Variants in NTM observed in about 807,000 individuals in gnomAD.
NTM encodes IgLON family member 2.
A neutral mutation model predicts 42.1 loss-of-function variants in NTM; 13 were observed. The observed-to-expected ratio is 0.31, with a 90% CI of 0.20 to 0.49. The LOEUF is 0.49. NTM is among the 20% of genes least tolerant of loss of function. The pLI, the probability that NTM is intolerant of heterozygous loss-of-function variation, is 0.99. For synonymous variants in NTM, 187 were observed against 179.2 expected, an observed-to-expected ratio of 1.04 and a Z score of -0.35; for missense variants, 373 against 452.8, an observed-to-expected ratio of 0.82 and a Z score of 1.60.
At chr11:131,460,861 T>A (rs889134948) in intron 1 of NTM, among the ~76,000 whole-genome samples, 1 of 151,966 alleles carries the variant, frequency 6.6e-6, no homozygotes, top group Non-Finnish European at 1.5e-5. Context: ...GCCAAGAGAG[T>A]GCTTTTGATG....
chr11:131,803,750 C>T (rs995654130), intron 1 of NTM, among the ~76,000 whole-genome samples: 3 of 152,246 alleles, frequency 2.0e-5, no homozygotes, highest in Non-Finnish European at 4.4e-5. Context: ...ACCTTCCTGC[C>T]TCCCCCGAAC....
intron 2 of NTM, among the ~76,000 whole-genome samples, chr11:132,092,601 G>A (rs2060501624): frequency 6.6e-6 from 1 of 152,164 alleles, no homozygotes; most frequent in East Asian, 1.9e-4. Flanking sequence ...AGTCCATCAT[G>A]CTCCAAGGTT....
intron 2 of NTM, among the ~76,000 whole-genome samples, chr11:132,122,247 G>A (rs957823072): frequency 6.6e-6 from 1 of 152,208 alleles, no homozygotes; most frequent in South Asian, 2.1e-4. Context: ...GAGACTGGAA[G>A]AGAAATGAGA....
chr11:131,945,257 A>G (rs1014330886), intron 2 of NTM, among the ~76,000 whole-genome samples: 3 of 152,170 alleles, frequency 2.0e-5, no homozygotes, highest in Non-Finnish European at 4.4e-5. Context: ...CACACATAGC[A>G]AGAGGTCTGC....
intron 2 of NTM, among the ~76,000 whole-genome samples, chr11:132,071,717 T>C (rs1251240884): frequency 6.6e-6 from 1 of 152,076 alleles, no homozygotes; most frequent in African/African-American, 2.4e-5. Flanking sequence ...TTATATGGGG[T>C]GTGCGTTTTT....
chr11:131,461,753 GATA>G lies in NTM; in HGVS notation c.82+90871_82+90873del, dbSNP rs1250712111. On this transcript the variant is annotated intron_variant, in intron 1 of 8. Transcript: ENST00000683400. ...TGGGTATATTATCTACCTTGATTAT[GATA>G]ATAATTTCACAATGTGTATGCAAAC... Among the ~76,000 whole-genome samples the G allele has an allele frequency of 4.6e-5, 7 of 152,194 alleles. No homozygotes were observed. The South Asian group carries it at 6.2e-4, about 14-fold the overall frequency.
chr11:132,267,117 G>A (rs974073167), intron 4 of NTM, among the ~76,000 whole-genome samples: 3 of 152,128 alleles, frequency 2.0e-5, no homozygotes, highest in Non-Finnish European at 4.4e-5. Flanking sequence ...CATGTCTGCT[G>A]TACTCCCTTT....
At chr11:131,753,190 G>A (rs1240547075) in intron 1 of NTM, among the ~76,000 whole-genome samples, 1 of 152,132 alleles carries the variant, frequency 6.6e-6, no homozygotes, top group African/African-American at 2.4e-5. Context: ...ACAACAATGA[G>A]ATACCATCTC....
chr11:132,066,916 A>G (rs2056591457), intron 2 of NTM, among the ~76,000 whole-genome samples: 1 of 152,022 alleles, frequency 6.6e-6, no homozygotes, highest in South Asian at 2.1e-4. Flanking sequence ...GCTCATGTCC[A>G]CAGATTCCAG....
chr11:131,716,865 G>T (rs2077747672), intron 1 of NTM, among the ~76,000 whole-genome samples: 1 of 152,042 alleles, frequency 6.6e-6, no homozygotes, highest in African/African-American at 2.4e-5. Flanking sequence ...GTTTGAAATG[G>T]AGTCTCATTA....
chr11:131,488,306 C>T (rs1237680360), intron 1 of NTM, among the ~76,000 whole-genome samples: 1 of 152,184 alleles, frequency 6.6e-6, no homozygotes, highest in Non-Finnish European at 1.5e-5. Context: ...GCTCGGAGCT[C>T]AGCTGGGTCT....
At chr11:131,832,104 A>G (rs2042891543) in intron 1 of NTM, among the ~76,000 whole-genome samples, 1 of 151,532 alleles carries the variant, frequency 6.6e-6, no homozygotes, top group African/African-American at 2.4e-5. Context: ...AAACCTACTC[A>G]AACTCCCAAA....
chr11:131,595,041 C>T (rs754182387), intron 1 of NTM, among the ~76,000 whole-genome samples: 5 of 152,218 alleles, frequency 3.3e-5, no homozygotes, highest in Non-Finnish European at 7.3e-5. Flanking sequence ...ATGCAGAATG[C>T]TTAGCCCAGT....
intron 2 of NTM, among the ~76,000 whole-genome samples, chr11:131,925,916 G>A (rs1345676142): frequency 6.6e-6 from 1 of 152,084 alleles, no homozygotes; most frequent in Non-Finnish European, 1.5e-5. Flanking sequence ...TTGTTGCTTT[G>A]GTATGCTGCA....
At chr11:132,307,564 A>G in intron 4 of NTM, 125 bp from the exon 5 acceptor site, 2 of 1,344,704 alleles carry the variant, frequency 1.5e-6, no homozygotes, top group Non-Finnish European at 2.0e-6. Flanking sequence ...ACAGTTCCTC[A>G]GAATCTGAAC....
At chr11:131,886,125 A>G (rs1011004122) in intron 1 of NTM, among the ~76,000 whole-genome samples, 4 of 152,200 alleles carry the variant, frequency 2.6e-5, no homozygotes, top group East Asian at 1.9e-4. Flanking sequence ...AGCCAGGCAC[A>G]AGCAAGGCTC....
At chr11:131,507,377 C>T (rs375585109) in intron 1 of NTM, among the ~76,000 whole-genome samples, 11 of 150,824 alleles carry the variant, frequency 7.3e-5, no homozygotes, top group South Asian at 4.3e-4. Flanking sequence ...AGATATGCGG[C>T]GTTATTTCTG....
At chr11:132,220,036 G>C (rs1329316364) in intron 4 of NTM, among the ~76,000 whole-genome samples, 1 of 152,180 alleles carries the variant, frequency 6.6e-6, no homozygotes, top group Non-Finnish European at 1.5e-5. Context: ...AGCTATCCCA[G>C]GAGGGCCAAG....
intron 2 of NTM, among the ~76,000 whole-genome samples, chr11:132,069,468 G>A (rs1312107042): frequency 6.4e-4 from 49 of 76,494 alleles, no homozygotes; most frequent in Middle Eastern, 0.012. Context: ...CAAACTGACC[G>A]TCACAGGTTA....
Sources: allele counts gnomAD v4.1 joint callset (sites outside exome capture counted in the v4.1 genomes callset), GRCh38; gene constraint gnomAD v4.1.1; transcripts MANE v1.5; gene names NCBI Gene and HGNC (gene_info 2026-07-23, HGNC 2026-07-21).